Variants in AGMO observed in about 807,000 individuals in gnomAD.
The protein encoded by AGMO is alkylglycerol monooxygenase, also known as glyceryl-ether monooxygenase.
In AGMO, 75 loss-of-function variants were observed where a neutral mutation model predicts 60.2. The observed-to-expected ratio is 1.25, with a 90% CI of 1.03 to 1.51. The LOEUF is 1.51. Among genes scored for constraint, AGMO ranks in the 40% most tolerant of loss-of-function variants. The pLI, the probability that AGMO is intolerant of heterozygous loss-of-function variation, is 0.00. For synonymous variants in AGMO, 261 were observed against 177.1 expected, an observed-to-expected ratio of 1.47 and a Z score of -3.76; for missense variants, 763 against 525.5, an observed-to-expected ratio of 1.45 and a Z score of -4.42.
In AGMO at chr7:15,504,779, T is replaced by TAAA. The variant is rs77098444; in HGVS notation, c.409+39990_409+39992dup. On this transcript the variant is annotated intron_variant, in intron 3 of 12. Coordinates refer to ENST00000342526, the MANE Select transcript of AGMO (RefSeq NM_001004320.2). ...AAGGTTTTTCCTTTTCTAGTTAAAA[T>TAAA]AAAAAAAAAAAAAGGGTTAAGGGAA... Among the ~76,000 whole-genome samples the TAAA allele has an allele frequency of 2.5e-3, 289 of 116,530 alleles. 1 individual carries two copies. The highest frequency in any genetic ancestry group is 7.3e-3 in the African/African-American group (250 of 34,120). The allele number at this position is 116,530 out of a possible 152,430, so 76.4% of individuals were successfully genotyped here. A position where few individuals can be genotyped will look rare whatever the true frequency, so the allele number is the denominator to read the frequency against.
chr7:15,235,747 C>T (rs958102485), intron 12 of AGMO, among the ~76,000 whole-genome samples: 14 of 152,154 alleles, frequency 9.2e-5, no homozygotes, highest in African/African-American at 3.1e-4. Flanking sequence ...ACACTGGTGA[C>T]TTTTTCTCAA....
At chr7:15,244,250 T>C (rs1007738368) in intron 12 of AGMO, among the ~76,000 whole-genome samples, 5 of 152,218 alleles carry the variant, frequency 3.3e-5, no homozygotes, top group Admixed American at 3.3e-4. Context: ...CTTTGTCCAC[T>C]TGATTTTTAG....
chr7:15,224,443 TTCTCTCTCTC>T (rs140122730), intron 12 of AGMO, among the ~76,000 whole-genome samples: 1 of 150,930 alleles, frequency 6.6e-6, no homozygotes, highest in Non-Finnish European at 1.5e-5. Context: ...TGTCCTCTCT[TTCTCTCTCTC>T]TCTCTCCTCT....
At chr7:15,139,704 T>C in the AGMO span, among the ~76,000 whole-genome samples, 3 of 151,802 alleles carry the variant, frequency 2.0e-5, no homozygotes, top group East Asian at 5.8e-4. Flanking sequence ...TGCTGGGTCA[T>C]TTGGTATATG....
intron 12 of AGMO, chr7:15,306,233 C>T (rs977073494): frequency 3.4e-5 from 8 of 236,286 alleles, no homozygotes; most frequent in South Asian, 3.3e-4. Context: ...TTAAATGCAA[C>T]GTTTTGACAT....
chr7:15,295,619 A>G (rs1327457796), intron 12 of AGMO, among the ~76,000 whole-genome samples: 1 of 152,110 alleles, frequency 6.6e-6, no homozygotes, highest in Non-Finnish European at 1.5e-5. Flanking sequence ...AAAATAATAT[A>G]TAGATGTTTT....
At chr7:15,432,429 G>A (rs1457463449) in intron 3 of AGMO, among the ~76,000 whole-genome samples, 1 of 146,868 alleles carries the variant, frequency 6.8e-6, no homozygotes, top group Non-Finnish European at 1.5e-5. Context: ...AAAGTTCTCT[G>A]AACAGTCTGT....
At chr7:15,267,990 T>G (rs921125166) in intron 12 of AGMO, among the ~76,000 whole-genome samples, 2 of 151,970 alleles carry the variant, frequency 1.3e-5, no homozygotes, top group East Asian at 3.9e-4. Flanking sequence ...TCAAAACTGT[T>G]ACCAAACATT....
intron 10 of AGMO, among the ~76,000 whole-genome samples, chr7:15,367,449 C>G (rs958049003): frequency 3.3e-5 from 5 of 151,750 alleles, no homozygotes; most frequent in Non-Finnish European, 7.4e-5. Flanking sequence ...GTCATTATAT[C>G]GGCTTTATTT....
At chr7:15,467,601 T>A (rs918916353) in intron 3 of AGMO, among the ~76,000 whole-genome samples, 2 of 152,128 alleles carry the variant, frequency 1.3e-5, no homozygotes, top group Non-Finnish European at 2.9e-5. Context: ...CCTGAAAATA[T>A]TTACACCCCA....
At chr7:15,493,365 C>CTTTTTTTTTTTTT (rs71004387) in intron 3 of AGMO, among the ~76,000 whole-genome samples, 1 of 66,654 alleles carries the variant, frequency 1.5e-5, no homozygotes, top group African/African-American at 6.6e-5. Flanking sequence ...ACACACACTT[C>CTTTTTTTTTTTTT]TTTTTTTTTT....
At chr7:15,236,161 C>A (rs1782414098) in intron 12 of AGMO, among the ~76,000 whole-genome samples, 2 of 152,052 alleles carry the variant, frequency 1.3e-5, no homozygotes, top group Non-Finnish European at 2.9e-5. Context: ...GATTTAAAGA[C>A]ATTGCAATGA....
chr7:15,171,387 C>T, the AGMO span, among the ~76,000 whole-genome samples: 116 of 152,238 alleles, frequency 7.6e-4, no homozygotes, highest in African/African-American at 2.7e-3. Flanking sequence ...TTGATGTTGA[C>T]CTTGATCACC....
chr7:15,416,970 C>T (rs6963643), intron 5 of AGMO, among the ~76,000 whole-genome samples: 2 of 152,036 alleles, frequency 1.3e-5, no homozygotes, highest in African/African-American at 4.8e-5. Context: ...CCAATCTCTT[C>T]GCTCTCCATC....
At chr7:15,189,508 C>T in the AGMO span, among the ~76,000 whole-genome samples, 5 of 152,190 alleles carry the variant, frequency 3.3e-5, no homozygotes, top group African/African-American at 1.2e-4. Flanking sequence ...ATGCAAGGTC[C>T]TCCAGCTTTG....
chr7:15,478,557 T>C (rs1344476460), intron 3 of AGMO, among the ~76,000 whole-genome samples: 1 of 152,152 alleles, frequency 6.6e-6, no homozygotes, highest in Non-Finnish European at 1.5e-5. Flanking sequence ...GACTTTCCCA[T>C]CTGCTGACAG....
chr7:15,275,393 T>C (rs1252569860), intron 12 of AGMO, among the ~76,000 whole-genome samples: 2 of 152,160 alleles, frequency 1.3e-5, no homozygotes, highest in Admixed American at 6.6e-5. Context: ...TCCACTGTGG[T>C]ATAAAAAGAC....
intron 3 of AGMO, among the ~76,000 whole-genome samples, chr7:15,449,318 A>G (rs1490535787): frequency 7.2e-6 from 1 of 138,122 alleles, no homozygotes; most frequent in Non-Finnish European, 1.6e-5. Flanking sequence ...TTAGCATATT[A>G]AGAGTGCTTC....
intron 12 of AGMO, among the ~76,000 whole-genome samples, chr7:15,324,367 T>C (rs542203824): frequency 6.6e-6 from 1 of 152,300 alleles, no homozygotes; most frequent in East Asian, 1.9e-4. Flanking sequence ...GCTCTCCTAG[T>C]TGCTGATGTT....
Sources: gnomAD v4.1 joint callset for allele counts (sites outside exome capture counted in the v4.1 genomes callset) on GRCh38, gnomAD v4.1.1 for gene constraint, MANE v1.5 for transcripts, NCBI Gene and HGNC (gene_info 2026-07-23, HGNC 2026-07-21) for gene names.